GET3: variants seen among roughly 807,000 people sequenced by gnomAD.
GET3 encodes guided entry of tail-anchored proteins factor 3, ATPase.
In GET3, 15 loss-of-function variants were observed where a neutral mutation model predicts 32.4. The observed-to-expected ratio is 0.46, with a 90% CI of 0.31 to 0.71. The LOEUF (loss-of-function observed/expected upper bound fraction) is 0.71, where lower values mean the gene tolerates loss of function less well. Among genes scored for constraint, GET3 ranks in the 30% least tolerant of loss-of-function variants. The pLI is 0.05. For missense variants in GET3, 333 were observed against 459.0 expected (o/e 0.73, Z 2.51); for synonymous variants, 198 against 185.6 (o/e 1.07, Z -0.54).
Position 12,738,618 on chromosome 19 carries a change from T to G in GET3, c.269T>G (p.Val90Gly). ...GCTTTTGACCAGAAGTTCTCAAAGG[T>G]GCCTACCAAGGTCAAAGGCTATGAC... ...SDAFDQKFSKVPTKVKGYDNL... is the reference protein window; with the variant it reads ...SDAFDQKFSKGPTKVKGYDNL... The change falls in exon 2 of 7, where the codon GTG becomes GGG. Residue 90 changes from valine (V) to glycine (G), a missense_variant. Around this residue, in one of 3 missense-constraint regions of GET3, gnomAD observed 230 missense variants for 389.2 expected, o/e 0.59. Coordinates refer to ENST00000357332, the MANE Select transcript of GET3 (RefSeq NM_004317.4). 6.2e-7 allele frequency: 1 copy of G among 1,614,186 alleles called. No homozygotes were observed. Among genetic ancestry groups the G allele is most frequent in the Non-Finnish European group, 8.5e-7 (1 of 1,180,038 alleles).
chr19:12,737,544 G>C lies in GET3; in HGVS notation c.39G>C (p.Glu13Asp), dbSNP rs1471786167. The C allele has an allele frequency of 1.3e-6, 2 of 1,598,010 alleles. No homozygotes were observed. Among genetic ancestry groups the C allele is most frequent in the Non-Finnish European group, 8.5e-7 (1 of 1,173,234 alleles). ...TGGCCGGGTGGGGGGTTGAGGCAGA[G>C]GAGTTCGAAGATGCTCCTGATGTGG... is the stretch of plus-strand genomic sequence containing the variant. ...AGVAGWGVEA[E>D]EFEDAPDVEP... The change falls in exon 1 of 7, where the codon GAG (glutamate) becomes GAC (aspartate). Residue 13 changes from glutamate (E) to aspartate (D), a missense_variant. Coordinates refer to ENST00000357332, the MANE Select transcript of GET3 (RefSeq NM_004317.4).
chr19:12,741,251 T>C (rs1474544167), intron 2 of GET3, among the ~76,000 whole-genome samples: 1 of 138,428 alleles, frequency 7.2e-6, no homozygotes, highest in Non-Finnish European at 1.6e-5. Context: ...AGTCAGGAGA[T>C]TGAGACCAGC....
At chr19:12,741,730 GC>G (rs1568348434) in intron 2 of GET3, among the ~76,000 whole-genome samples, 1 of 150,802 alleles carries the variant, frequency 6.6e-6, no homozygotes, top group Admixed American at 6.6e-5. Flanking sequence ...CTGCACTCCA[GC>G]CTGGGATACA....
intron 4 of GET3, among the ~76,000 whole-genome samples, chr19:12,746,569 C>G (rs1365384738): frequency 6.6e-6 from 1 of 152,250 alleles, no homozygotes; most frequent in East Asian, 1.9e-4. Flanking sequence ...GGTGGTAACA[C>G]TGAGCACTTA....
chr19:12,747,051 A>G lies in GET3; in HGVS notation c.610-146A>G, dbSNP rs1347495804. On this transcript the variant is annotated intron_variant, in intron 4 of 6. Coordinates refer to ENST00000357332, the MANE Select transcript of GET3 (RefSeq NM_004317.4). The surrounding 1 kb of genome is among the most constrained non-coding windows in gnomAD (Gnocchi z 4.0). ...GAAAGAAAGAAATGGAAAAGCTAGTATTTGACCAACCCCAGGAATCTGCTT... is the reference window on the plus strand; with the variant it reads ...GAAAGAAAGAAATGGAAAAGCTAGTGTTTGACCAACCCCAGGAATCTGCTT... 3 of 531,142 alleles carry G rather than the reference A, an allele frequency of 5.6e-6. No homozygotes were observed. Among genetic ancestry groups the G allele is most frequent in the Non-Finnish European group, 9.8e-6 (3 of 305,504 alleles). 32.9% of individuals were successfully genotyped at this position (531,142 alleles called of 1,614,324 possible).
In GET3 at chr19:12,745,773, GC is replaced by G; in HGVS notation, c.609+19del. 2.5e-6 allele frequency: 4 copies of G among 1,594,168 alleles called. No homozygotes were observed. Reference sequence around the variant, plus strand: ...TTCATCTCACAGGCAGGCGGCGGGGGCCCCCACCTGCACCATCCAGGCAGCC... The same window carrying G: ...TTCATCTCACAGGCAGGCGGCGGGGGCCCCACCTGCACCATCCAGGCAGCC... On this transcript the variant is annotated intron_variant, in intron 4 of 6. Coordinates refer to ENST00000357332, the MANE Select transcript of GET3 (RefSeq NM_004317.4). This position sits in a 1 kb window ranked among gnomAD's most constrained non-coding sequence, Gnocchi z 5.0.
upstream of GET3, chr19:12,737,489 C>T (rs1967590790): frequency 2.0e-6 from 3 of 1,519,056 alleles, no homozygotes; most frequent in South Asian, 3.8e-5. Flanking sequence ...CGCTGGATCA[C>T]GTGAGCCAGT....
Position 12,737,531 on chromosome 19 carries a change from G to T in GET3, c.26G>T (p.Gly9Val). The change falls in exon 1 of 7, where the codon GGG (glycine) becomes GTG (valine). Residue 9 changes from glycine to valine, a missense_variant. Gly to Val is a moderately radical substitution (Grantham distance 109, BLOSUM62 -3). Coordinates refer to ENST00000357332, the MANE Select transcript of GET3 (RefSeq NM_004317.4). Reference sequence around the variant, plus strand: ...ATGGCGGCAGGGGTGGCCGGGTGGGGGGTTGAGGCAGAGGAGTTCGAAGAT... The same window carrying T: ...ATGGCGGCAGGGGTGGCCGGGTGGGTGGTTGAGGCAGAGGAGTTCGAAGAT... MAAGVAGW[G>V]VEAEEFEDAP... 5.7e-6 allele frequency: 9 copies of T among 1,578,060 alleles called. No individual in the cohort carries two copies. The highest frequency in any genetic ancestry group is 7.7e-6 in the Non-Finnish European group (9 of 1,163,590).
At position 12,745,768 on chromosome 19, in the gene GET3, C is replaced by CG; in HGVS notation, c.609+14dup. On this transcript the variant is annotated intron_variant, in intron 4 of 6. Coordinates refer to ENST00000357332, the MANE Select transcript of GET3 (RefSeq NM_004317.4). The surrounding 1 kb of genome is among the most constrained non-coding windows in gnomAD (Gnocchi z 5.0). ...GCCCTTTCATCTCACAGGCAGGCGGCGGGGGCCCCCACCTGCACCATCCAG... is the reference window on the plus strand; with the variant it reads ...GCCCTTTCATCTCACAGGCAGGCGGCGGGGGGCCCCCACCTGCACCATCCAG... The CG allele has an allele frequency of 1.3e-6, 2 of 1,597,460 alleles. No individual in the cohort carries two copies. Among genetic ancestry groups the CG allele is most frequent in the Non-Finnish European group, 1.7e-6 (2 of 1,173,090 alleles).
chr19:12,739,971 A>G (rs909074137), intron 2 of GET3, among the ~76,000 whole-genome samples: 5 of 151,324 alleles, frequency 3.3e-5, no homozygotes, highest in East Asian at 2.0e-4. Flanking sequence ...GCTAGAACCC[A>G]GGAAGCAGAG....
chr19:12,744,519 C>T (rs1018497316), intron 2 of GET3, among the ~76,000 whole-genome samples: 3 of 152,068 alleles, frequency 2.0e-5, no homozygotes, highest in Non-Finnish European at 4.4e-5. Flanking sequence ...GGGGTTTCAC[C>T]ATGTTGGCCA....
At chr19:12,739,433 T>C (rs910240781) in intron 2 of GET3, among the ~76,000 whole-genome samples, 1 of 152,184 alleles carries the variant, frequency 6.6e-6, no homozygotes, top group African/African-American at 2.4e-5. Context: ...CCCACAGTGC[T>C]GGGATTACAG....
chr19:12,747,286 C>T lies in GET3; in HGVS notation c.699C>T (p.Ser233=), dbSNP rs761468766. The T allele has an allele frequency of 5.5e-5, 88 of 1,611,560 alleles. No homozygotes were observed. The highest frequency in any genetic ancestry group is 3.1e-4 in the East Asian group (14 of 44,858). The part of the protein sequence containing the change: ...EETLPVIRSV[S]EQFKDPEQTT... ...CGCTGCCCGTCATCCGCTCAGTCAGCGAACAGTTCAAGGACCCTGTGAGTG... is the reference window on the plus strand; with the variant it reads ...CGCTGCCCGTCATCCGCTCAGTCAGTGAACAGTTCAAGGACCCTGTGAGTG... Residue 233 remains serine (S), a synonymous_variant, in exon 5 of 7, where the codon AGC becomes AGT. Transcript: ENST00000357332. This position sits in a 1 kb window ranked among gnomAD's most constrained non-coding sequence, Gnocchi z 4.0.
rs1967750511 is a variant in GET3, at chr19:12,745,367, T to C, written c.310-10T>C. On this transcript the variant is annotated splice_polypyrimidine_tract_variant and intron_variant, in intron 2 of 6. Coordinates refer to ENST00000357332, the MANE Select transcript of GET3 (RefSeq NM_004317.4). The surrounding 1 kb of genome is among the most constrained non-coding windows in gnomAD (Gnocchi z 5.0). ...AGCAGCAACCTCAGTCTCATCCCTT[T>C]GGCCCCCAGGAGATTGACCCCAGCC... 1 of 1,607,454 alleles carries C rather than the reference T, an allele frequency of 6.2e-7. No individual in the cohort carries two copies. The highest frequency in any genetic ancestry group is 1.7e-5 in the Admixed American group (1 of 59,966).
rs756017594 is a variant in GET3, at chr19:12,747,563, C to T, written c.886C>T (p.His296Tyr). The change falls in exon 6 of 7, where the codon CAC becomes TAC. Residue 296 changes from histidine to tyrosine, a missense_variant. His to Tyr is a moderately conservative substitution (Grantham distance 83). Coordinates refer to ENST00000357332, the MANE Select transcript of GET3 (RefSeq NM_004317.4). This position sits in a 1 kb window ranked among gnomAD's most constrained non-coding sequence, Gnocchi z 4.0. The stretch of plus-strand genomic sequence containing the variant: ...GCCCTGCAAGATGTGTGAGGCCCGT[C>T]ACAAGATCCAGGCCAAGTATCTGGA... ...EKPCKMCEAR[H>Y]KIQAKYLDQM... The T allele has an allele frequency of 1.2e-6, 2 of 1,613,854 alleles. No individual in the cohort carries two copies. The highest frequency in any genetic ancestry group is 2.2e-5 in the East Asian group (1 of 44,876).
At chr19:12,742,291 G>T (rs1376922499) in intron 2 of GET3, among the ~76,000 whole-genome samples, 2 of 150,996 alleles carry the variant, frequency 1.3e-5, no homozygotes, top group African/African-American at 4.9e-5. Context: ...GAGTGCAGTG[G>T]TGTGATCTCA....
At chr19:12,740,317 C>CT (rs1344445965) in intron 2 of GET3, among the ~76,000 whole-genome samples, 1 of 151,830 alleles carries the variant, frequency 6.6e-6, no homozygotes, top group African/African-American at 2.4e-5. Context: ...GGAGGCGGAG[C>CT]TTGCAGTGAG....
chr19:12,738,269 A>AG (rs1410706648), intron 1 of GET3, among the ~76,000 whole-genome samples: 5 of 152,180 alleles, frequency 3.3e-5, no homozygotes, highest in Non-Finnish European at 5.9e-5. Flanking sequence ...AGCAGGCACT[A>AG]GGCCAGACAG....
In GET3 at chr19:12,745,057, CTG is replaced by C. The variant is rs2145692725; in HGVS notation, c.310-319_310-318del. Among the ~76,000 whole-genome samples, 1 of 152,182 alleles carries C rather than the reference CTG, an allele frequency of 6.6e-6. No homozygotes were observed. The highest frequency in any genetic ancestry group is 1.9e-4 in the East Asian group (1 of 5,170). On this transcript the variant is annotated intron_variant, in intron 2 of 6. Coordinates refer to ENST00000357332, the MANE Select transcript of GET3 (RefSeq NM_004317.4). The surrounding 1 kb of genome is among the most constrained non-coding windows in gnomAD (Gnocchi z 5.0). ...GGTCATGGCCCAGTCATGGGAGTAT[CTG>C]GGGTTGCAAGTGGCAGGTTGCAAGT... is the stretch of plus-strand genomic sequence containing the variant.
Sources: allele counts gnomAD v4.1 joint callset (sites outside exome capture counted in the v4.1 genomes callset), GRCh38; gene constraint gnomAD v4.1.1; regional missense constraint gnomAD v4.1.1; non-coding constraint Gnocchi (gnomAD v3.1); transcripts MANE v1.5; gene names NCBI Gene and HGNC (gene_info 2026-07-23, HGNC 2026-07-21).